NBPF12: variants seen among roughly 807,000 people sequenced by gnomAD.
The protein encoded by NBPF12 is NBPF member 12.
A neutral mutation model predicts 146.4 loss-of-function variants in NBPF12; 115 were observed. That is an observed-to-expected ratio of 0.79 (90% CI 0.68 to 0.92). The LOEUF (loss-of-function observed/expected upper bound fraction) is 0.92, where lower values mean the gene tolerates loss of function less well. NBPF12 is among the 40% of genes least tolerant of loss of function. The pLI, the probability that NBPF12 is intolerant of heterozygous loss-of-function variation, is 0.00. For synonymous variants in NBPF12, 385 were observed against 508.9 expected (o/e 0.76, Z 3.28); for missense variants, 1,205 against 1,326.8 (o/e 0.91, Z 1.43).
chr1:146,994,488 T>A (rs782241389), exon 34 of NBPF12: 7 of 1,607,432 alleles, frequency 4.4e-6, no homozygotes, highest in Non-Finnish European at 5.1e-6. Flanking sequence ...ACATCACCTT[T>A]GCCCTTGACA....
intron 14 of NBPF12, among the ~76,000 whole-genome samples, chr1:146,973,759 GC>G (rs1656810550): frequency 6.8e-6 from 1 of 146,850 alleles, no homozygotes; most frequent in Non-Finnish European, 1.5e-5. Flanking sequence ...TTGCACTCCA[GC>G]CTGGGTGACA....
intron 9 of NBPF12, 65 bp from the exon 13 acceptor site, chr1:146,968,383 G>T: frequency 1.6e-6 from 2 of 1,289,984 alleles, no homozygotes; most frequent in Non-Finnish European, 2.3e-6. Context: ...CTCCTGCCCT[G>T]TAGGCAATGA....
exon 28 of NBPF12, chr1:146,989,577 C>A (rs1199633919): frequency 3.9e-6 from 6 of 1,539,466 alleles, no homozygotes; most frequent in Non-Finnish European, 5.4e-6. Context: ...TTTCCAGGCT[C>A]AGCAGGGAGC....
exon 6 of NBPF12, chr1:146,963,201 G>A (rs1349175449): frequency 0.079 from 126,334 of 1,595,514 alleles, 5,074 homozygotes; most frequent in East Asian, 0.21. Context: ...GCATCTCCAG[G>A]CCCTCCTCAC....
intron 15 of NBPF12, among the ~76,000 whole-genome samples, chr1:146,975,311 T>C (rs1310523894): frequency 2.3e-5 from 3 of 130,188 alleles, no homozygotes; most frequent in Non-Finnish European, 3.1e-5. Context: ...TTTCTGTACA[T>C]GGCTTTGTAT....
intron 2 of NBPF12, among the ~76,000 whole-genome samples, chr1:146,953,124 C>T (rs1337770785): frequency 7.5e-6 from 1 of 133,750 alleles, no homozygotes; most frequent in East Asian, 2.4e-4. Context: ...GTCAGAACAA[C>T]AGGATTCTGG....
intron 5 of NBPF12, 64 bp downstream of exon 8, chr1:146,962,327 C>G (rs1333858806): frequency 5.9e-6 from 8 of 1,349,134 alleles, no homozygotes; most frequent in Non-Finnish European, 8.3e-6. Context: ...TACAGCAGCT[C>G]GGCGGGGAGA....
intron 2 of NBPF12, chr1:146,957,550 G>A (rs1210767920): frequency 5.7e-5 from 9 of 158,504 alleles, no homozygotes; most frequent in Admixed American, 1.2e-4. Flanking sequence ...CTCAGCTGGC[G>A]TGATGTTGAG....
intron 8 of NBPF12, among the ~76,000 whole-genome samples, chr1:146,965,942 T>C (rs1413224232): frequency 6.0e-5 from 9 of 151,174 alleles, no homozygotes; most frequent in Admixed American, 2.6e-4. Context: ...ACCCCATCTC[T>C]ACTAAAAATA....
At chr1:146,980,393 C>A (rs1278640555) in intron 19 of NBPF12, among the ~76,000 whole-genome samples, 1 of 152,046 alleles carries the variant, frequency 6.6e-6, no homozygotes, top group Non-Finnish European at 1.5e-5. Flanking sequence ...TTAGTTGATG[C>A]AGTTTCTTCC....
chr1:146,984,874 T>C lies in NBPF12; in HGVS notation c.2728T>C (p.Cys910Arg), dbSNP rs1480727245. The change falls in exon 22 of 34, where the codon TGT (cysteine) becomes CGT (arginine). Residue 910 changes from cysteine (C) to arginine (R), a missense_variant. Around this residue, in one of 16 missense-constraint regions of NBPF12, gnomAD observed 68 missense variants for 62.2 expected, o/e 1.09. Coordinates refer to ENST00000617844, the Ensembl canonical transcript of NBPF12. Reference sequence around the variant, plus strand: ...AGTCTTGCAGGACTCACTGGATAGATGTTATTCAACTCCTTCAGTTTATCT... The same window carrying C: ...AGTCTTGCAGGACTCACTGGATAGACGTTATTCAACTCCTTCAGTTTATCT... The C allele has an allele frequency of 3.8e-6, 6 of 1,571,794 alleles. No individual in the cohort carries two copies. The South Asian group carries it at 4.5e-5, about 12-fold the overall frequency.
At chr1:146,965,821 G>A (rs1350477881) in intron 8 of NBPF12, among the ~76,000 whole-genome samples, 364 of 32,528 alleles carry the variant, frequency 0.011, no homozygotes, top group East Asian at 0.054. Context: ...AAAAAAAAAA[G>A]TCTCTGACCA....
chr1:146,939,728 G>GA (rs376789402), intron 1 of NBPF12, among the ~76,000 whole-genome samples: 4 of 151,902 alleles, frequency 2.6e-5, no homozygotes, highest in Non-Finnish European at 2.9e-5. Flanking sequence ...AGCTGCTTTC[G>GA]AAAGAAGCAC....
At chr1:146,965,055 C>G in exon 8 of NBPF12, 2 of 1,607,888 alleles carry the variant, frequency 1.2e-6, no homozygotes, top group Non-Finnish European at 1.7e-6. Context: ...TGGTTGTAGA[C>G]AGAAAATCCT....
chr1:146,973,759 G>T (rs1243702208), intron 14 of NBPF12, among the ~76,000 whole-genome samples: 4 of 146,850 alleles, frequency 2.7e-5, no homozygotes, highest in African/African-American at 1.0e-4. Flanking sequence ...TTGCACTCCA[G>T]CCTGGGTGAC....
chr1:146,973,423 C>T (rs1656785524), intron 14 of NBPF12, among the ~76,000 whole-genome samples: 1 of 151,520 alleles, frequency 6.6e-6, no homozygotes, highest in South Asian at 2.1e-4. Flanking sequence ...GTAGCCAGTA[C>T]CCGCTCTGAG....
At chr1:146,994,270 A>G in intron 33 of NBPF12, 62 bp from the exon 37 acceptor site, 5 of 1,610,742 alleles carry the variant, frequency 3.1e-6, no homozygotes, top group African/African-American at 2.7e-5. Flanking sequence ...TCTGAAATCT[A>G]GTGAGGCTCT....
chr1:146,963,344 C>G (rs1356827812), intron 6 of NBPF12, 35 bp downstream of exon 9: 169 of 1,608,034 alleles, frequency 1.1e-4, no homozygotes, highest in Admixed American at 1.7e-4. Flanking sequence ...ACCCAAAACC[C>G]CAGGCTTATG....
At chr1:146,957,950 ATT>A (rs1424437414) in intron 2 of NBPF12, among the ~76,000 whole-genome samples, 1 of 113,914 alleles carries the variant, frequency 8.8e-6, no homozygotes, top group African/African-American at 3.0e-5. Flanking sequence ...GTGTATATAT[ATT>A]TTATATATAC....
Sources: gnomAD v4.1 joint callset for allele counts (sites outside exome capture counted in the v4.1 genomes callset) on GRCh38, gnomAD v4.1.1 for gene constraint, gnomAD v4.1.1 regional missense constraint, MANE v1.5 for transcripts, NCBI Gene and HGNC (gene_info 2026-07-23, HGNC 2026-07-21) for gene names.